GDF3: variants seen among roughly 807,000 people sequenced by gnomAD.
The protein encoded by GDF3 is growth/differentiation factor 3.
In GDF3, 10 loss-of-function variants were observed where a neutral mutation model predicts 10.2. The ratio of observed to expected loss-of-function variants is 0.98; its 90% CI spans 0.60 to 1.66. The LOEUF (loss-of-function observed/expected upper bound fraction) is 1.66. Ranked by LOEUF, GDF3 falls within the 40% of genes most tolerant of loss-of-function variation. GDF3 has a pLI of 0.00. For missense variants in GDF3, 450 were observed against 438.3 expected, an observed-to-expected ratio of 1.03 and a Z score of -0.24; for synonymous variants, 166 against 178.5, an observed-to-expected ratio of 0.93 and a Z score of 0.56.
intron 1 of GDF3, among the ~76,000 whole-genome samples, chr12:7,692,493 A>G (rs1232033792): frequency 1.3e-5 from 2 of 149,148 alleles, no homozygotes; most frequent in Admixed American, 1.3e-4. Flanking sequence ...AAGTCCAATC[A>G]TTCAGATTGG....
At chr12:7,695,309 C>T in intron 1 of GDF3, 152 bp downstream of exon 1, 1 of 806,168 alleles carries the variant, frequency 1.2e-6, no homozygotes, top group East Asian at 2.4e-5. Flanking sequence ...GAATATCTAA[C>T]TTCCTCTCAG....
intron 1 of GDF3, among the ~76,000 whole-genome samples, chr12:7,694,231 T>C (rs984651229): frequency 6.6e-6 from 1 of 152,006 alleles, no homozygotes; most frequent in Admixed American, 6.6e-5. Flanking sequence ...ACGAGAATTT[T>C]ACGTGGAGGA....
chr12:7,690,290 G>C lies in GDF3; in HGVS notation c.683C>G (p.Ser228Cys). ...PEDTCARLRC[S>C]LHASLLVVTL... ...CACCACCAGCAGGGAAGCATGAAGG[G>C]AGCATCTTAGTCTGGCACAGGTGTC... Residue 228 changes from serine to cysteine, a missense_variant, in exon 2 of 2, where the codon TCC becomes TGC. Transcript: ENST00000329913. 1 of 1,614,150 alleles carries C rather than the reference G, an allele frequency of 6.2e-7. No homozygotes were observed. Among genetic ancestry groups the C allele is most frequent in the Non-Finnish European group, 8.5e-7 (1 of 1,180,032 alleles).
chr12:7,691,310 T>C (rs1488797160), intron 1 of GDF3, among the ~76,000 whole-genome samples: 1 of 152,172 alleles, frequency 6.6e-6, no homozygotes, highest in Non-Finnish European at 1.5e-5. Flanking sequence ...TCCTTCATTA[T>C]GAATATAGGT....
chr12:7,694,282 G>A (rs774858261), intron 1 of GDF3, among the ~76,000 whole-genome samples: 1 of 152,102 alleles, frequency 6.6e-6, no homozygotes, highest in Non-Finnish European at 1.5e-5. Flanking sequence ...GTAATTCTGG[G>A]CTGGGTGCGG....
chr12:7,692,304 C>T lies in GDF3; in HGVS notation c.269-1600G>A, dbSNP rs142378340. Among the ~76,000 whole-genome samples, 289 of 151,978 alleles carry T rather than the reference C, an allele frequency of 1.9e-3. 2 individuals are homozygous for T. Among genetic ancestry groups the T allele is most frequent in the African/African-American group, 6.7e-3 (277 of 41,500 alleles). On this transcript the variant is annotated intron_variant, in intron 1 of 1. Transcript: ENST00000329913. ...AATTAGCCGGGCAGGGTGGCACATGCCTGTAATCCCAGCTACTCGGGAGGC... is the reference window on the plus strand; with the variant it reads ...AATTAGCCGGGCAGGGTGGCACATGTCTGTAATCCCAGCTACTCGGGAGGC...
Position 7,690,617 on chromosome 12 carries a change from C to A in GDF3, c.356G>T (p.Arg119Met), listed in dbSNP as rs757186246. The A allele has an allele frequency of 3.1e-6, 5 of 1,608,612 alleles. No homozygotes were observed. The African/African-American group carries it at 6.7e-5, about 22-fold the overall frequency. ...CAGCTGGGCCAATGTCAACTGTTCC[C>A]TTTCTTTGATGGCAGACAGGTTAAA... ...LYFNLSAIKEREQLTLAQLGL... is the reference protein window; with the variant it reads ...LYFNLSAIKEMEQLTLAQLGL... Residue 119 changes from arginine (R) to methionine (M), a missense_variant, in exon 2 of 2, where the codon AGG becomes ATG. Coordinates refer to ENST00000329913, the MANE Select transcript of GDF3 (RefSeq NM_020634.3).
chr12:7,695,393 A>G (rs1169680953), intron 1 of GDF3, 68 bp downstream of exon 1: 5 of 1,404,412 alleles, frequency 3.6e-6, no homozygotes, highest in East Asian at 4.5e-5. Context: ...GTCATTTCCT[A>G]TTGTCCTTTC....
At chr12:7,690,953 T>C (rs935306043) in intron 1 of GDF3, among the ~76,000 whole-genome samples, 24 of 151,368 alleles carry the variant, frequency 1.6e-4, no homozygotes, top group East Asian at 7.9e-4. Context: ...AGATCGAGAC[T>C]ATCCTGGCTA....
chr12:7,690,213 G>A lies in GDF3; in HGVS notation c.760C>T (p.Pro254Ser). Residue 254 changes from proline to serine, a missense_variant, in exon 2 of 2, where the codon CCT becomes TCT. Pro to Ser is a moderately conservative substitution (Grantham distance 74). Coordinates refer to ENST00000329913, the MANE Select transcript of GDF3 (RefSeq NM_020634.3). ...TTCTTACAAGAAAGCTTGGGGACAG[G>A]GATGGCTGCTCTCCTTTTCCGAGAA... ...HPSRKRRAAI[P>S]VPKLSCKNLC... is the part of the protein sequence containing the mutation. The A allele has an allele frequency of 6.2e-7, 1 of 1,614,110 alleles. No individual in the cohort carries two copies. Among genetic ancestry groups the A allele is most frequent in the South Asian group, 1.1e-5 (1 of 91,082 alleles).
intron 1 of GDF3, among the ~76,000 whole-genome samples, chr12:7,692,855 C>T (rs1296281975): frequency 6.6e-6 from 1 of 151,662 alleles, no homozygotes; most frequent in African/African-American, 2.4e-5. Context: ...GTTGCCTAGG[C>T]TTATCGAGAA....
intron 1 of GDF3, 60 bp from the exon 2 acceptor site, chr12:7,690,764 T>C (rs1864121133): frequency 1.0e-6 from 1 of 961,380 alleles, no homozygotes; most frequent in Non-Finnish European, 1.7e-6. Flanking sequence ...TATCCACCTA[T>C]ATAATAGAAA....
intron 1 of GDF3, 92 bp from the exon 2 acceptor site, chr12:7,690,796 A>G (rs1243370925): frequency 1.3e-6 from 1 of 755,934 alleles, no homozygotes; most frequent in East Asian, 2.6e-5. Flanking sequence ...CACATATACA[A>G]TATAAGGGCA....
At chr12:7,691,817 C>T (rs1264984198) in intron 1 of GDF3, among the ~76,000 whole-genome samples, 13 of 150,474 alleles carry the variant, frequency 8.6e-5, no homozygotes, top group African/African-American at 3.2e-4. Flanking sequence ...ACCATCCTGG[C>T]TAACACGGTA....
chr12:7,695,309 C>A, intron 1 of GDF3, 152 bp downstream of exon 1: 2 of 806,166 alleles, frequency 2.5e-6, no homozygotes, highest in Non-Finnish European at 4.2e-6. Flanking sequence ...GAATATCTAA[C>A]TTCCTCTCAG....
At position 7,689,795 on chromosome 12, in the gene GDF3, A is replaced by G; in HGVS notation, c.*83T>C. 1.1e-6 allele frequency: 1 copy of G among 933,944 alleles called. No individual in the cohort carries two copies. The highest frequency in any genetic ancestry group is 1.7e-5 in the Admixed American group (1 of 58,764). The allele number at this position is 933,944 out of a possible 1,614,324, so 57.9% of individuals were successfully genotyped here. On this transcript the variant is annotated 3_prime_UTR_variant, in exon 2 of 2. Transcript: ENST00000329913. ...TAAACACAGGTATATTGACATTTCG[A>G]TCTAAGTGGTCATAAACCAGATAGG...
chr12:7,695,534 C>T lies in GDF3; in HGVS notation c.195G>A (p.Gly65=). 1 of 1,614,060 alleles carries T rather than the reference C, an allele frequency of 6.2e-7. No homozygotes were observed. The highest frequency in any genetic ancestry group is 8.5e-7 in the Non-Finnish European group (1 of 1,179,950). The change falls in exon 1 of 2, where the codon GGG becomes GGA. Residue 65 remains glycine, a synonymous_variant. Coordinates refer to ENST00000329913, the MANE Select transcript of GDF3 (RefSeq NM_020634.3). The part of the protein sequence containing the change: ...FQDREAAATT[G]VSRDLCYVKE... ...TTACGTAGCATAAGTCTCGGGAGAC[C>T]CCAGTGGTCGCTGCTGCCTCGCGAT... is the stretch of plus-strand genomic sequence containing the variant.
chr12:7,691,576 GAAAAA>G (rs917421119), intron 1 of GDF3, among the ~76,000 whole-genome samples: 1 of 140,178 alleles, frequency 7.1e-6, no homozygotes, highest in Non-Finnish European at 1.6e-5. Context: ...AAAAGAAAAA[GAAAAA>G]AAAAAACAAA....
intron 1 of GDF3, among the ~76,000 whole-genome samples, chr12:7,691,739 G>A (rs1864132370): frequency 2.0e-5 from 3 of 151,922 alleles, no homozygotes; most frequent in South Asian, 4.2e-4. Context: ...CAGGCGTGGT[G>A]GCTCATGCCT....
Sources: allele counts gnomAD v4.1 joint callset (sites outside exome capture counted in the v4.1 genomes callset), GRCh38; gene constraint gnomAD v4.1.1; transcripts MANE v1.5; gene names NCBI Gene and HGNC (gene_info 2026-07-23, HGNC 2026-07-21).